CFAP92: variants seen among roughly 807,000 people sequenced by gnomAD.
The protein encoded by CFAP92 is uncharacterized protein CFAP92.
CFAP92 carries 86 observed loss-of-function variants against 106.3 expected under a neutral mutation model. That is an observed-to-expected ratio of 0.81 (90% CI 0.68 to 0.97). CFAP92 has a LOEUF of 0.97. Ranked by LOEUF, CFAP92 falls within the 50% of genes least tolerant of loss-of-function variation. The probability of loss-of-function intolerance (pLI) is 0.00; values close to 1 mark genes in which losing one functional copy is unlikely to be tolerated. For synonymous variants in CFAP92, 477 were observed against 506.4 expected, an observed-to-expected ratio of 0.94 and a Z score of 0.78; for missense variants, 1,204 against 1,283.8, an observed-to-expected ratio of 0.94 and a Z score of 0.95.
At chr3:128,920,179 G>C (rs1405273955) in intron 12 of CFAP92, among the ~76,000 whole-genome samples, 5 of 152,200 alleles carry the variant, frequency 3.3e-5, no homozygotes, top group Admixed American at 3.3e-4. Context: ...TGAGGTGGGT[G>C]AATCACCTGA....
chr3:128,994,764 T>C (rs1199264404), upstream of CFAP92, among the ~76,000 whole-genome samples: 1 of 152,080 alleles, frequency 6.6e-6, no homozygotes, highest in East Asian at 1.9e-4. Context: ...CGGCTCCTAA[T>C]GTAGAGGACC....
intron 15 of CFAP92, 73 bp from the exon 16 acceptor site, chr3:128,910,406 G>A: frequency 7.2e-7 from 1 of 1,389,834 alleles, no homozygotes; most frequent in Non-Finnish European, 9.5e-7. Context: ...GACAGACCCT[G>A]CACATTGCCC....
At chr3:128,938,774 G>C (rs745506658) in intron 10 of CFAP92, among the ~76,000 whole-genome samples, 5 of 152,020 alleles carry the variant, frequency 3.3e-5, no homozygotes, top group African/African-American at 4.8e-5. Flanking sequence ...TTACAGGAGT[G>C]AGCCACCTTC....
chr3:128,928,265 TAAAC>T (rs142844531), intron 12 of CFAP92, among the ~76,000 whole-genome samples: 33 of 152,066 alleles, frequency 2.2e-4, no homozygotes, highest in Non-Finnish European at 4.1e-4. Context: ...AAAAAATAAA[TAAAC>T]AAAATCCCCA....
intron 12 of CFAP92, among the ~76,000 whole-genome samples, chr3:128,928,075 ACC>A (rs1217285425): frequency 6.6e-6 from 1 of 151,968 alleles, no homozygotes; most frequent in East Asian, 1.9e-4. Context: ...ACATGGTGAA[ACC>A]CCGTCTCTAC....
At chr3:129,008,714 C>A in the CFAP92 span, among the ~76,000 whole-genome samples, 1 of 152,154 alleles carries the variant, frequency 6.6e-6, no homozygotes, top group Non-Finnish European at 1.5e-5. Flanking sequence ...GTAGGAGTTG[C>A]AGGTGAAATA....
At chr3:129,004,685 C>G (rs1176548941), upstream of CFAP92, among the ~76,000 whole-genome samples, 1 of 152,056 alleles carries the variant, frequency 6.6e-6, no homozygotes, top group Non-Finnish European at 1.5e-5. Context: ...ACTAAGCACT[C>G]GCTGTTTGCC....
At chr3:129,021,867 A>G in the CFAP92 span, among the ~76,000 whole-genome samples, 1 of 152,204 alleles carries the variant, frequency 6.6e-6, no homozygotes, top group Non-Finnish European at 1.5e-5. Flanking sequence ...TTAAATTACC[A>G]TTAGGGCATC....
chr3:128,919,366 A>G (rs901894370), intron 12 of CFAP92, among the ~76,000 whole-genome samples: 3 of 152,238 alleles, frequency 2.0e-5, no homozygotes, highest in African/African-American at 7.2e-5. Context: ...AACAAAGACA[A>G]AAAAGCTGTG....
intron 12 of CFAP92, among the ~76,000 whole-genome samples, chr3:128,930,305 C>G (rs931404372): frequency 6.6e-6 from 1 of 152,040 alleles, no homozygotes; most frequent in Non-Finnish European, 1.5e-5. Flanking sequence ...TGCCCGCCAC[C>G]ACGCCCAGCT....
At chr3:128,945,045 T>A in intron 10 of CFAP92, 26 bp downstream of exon 10, 1 of 1,474,842 alleles carries the variant, frequency 6.8e-7, no homozygotes, top group Non-Finnish European at 9.0e-7. Flanking sequence ...ATCATTTTTA[T>A]GTAAAATGTA....
chr3:129,017,274 G>A, the CFAP92 span, among the ~76,000 whole-genome samples: 25 of 152,256 alleles, frequency 1.6e-4, no homozygotes, highest in Non-Finnish European at 2.4e-4. Context: ...GGCCACAGTC[G>A]GGGTTGAGCT....
chr3:128,930,898 CT>C (rs927449321), intron 12 of CFAP92, among the ~76,000 whole-genome samples: 6 of 151,952 alleles, frequency 3.9e-5, no homozygotes, highest in Non-Finnish European at 5.9e-5. Context: ...CATTGTTTGA[CT>C]TTTTTTGTTT....
the CFAP92 span, among the ~76,000 whole-genome samples, chr3:129,013,115 A>C: frequency 2.0e-5 from 3 of 152,180 alleles, no homozygotes; most frequent in Non-Finnish European, 2.9e-5. Context: ...GGCCTAAGTC[A>C]GGGGTAGTAT....
At chr3:129,014,690 G>A in the CFAP92 span, among the ~76,000 whole-genome samples, 1 of 152,186 alleles carries the variant, frequency 6.6e-6, no homozygotes. The surrounding 1 kb of genome is among the most constrained non-coding windows in gnomAD (Gnocchi z 4.3). Flanking sequence ...ATGTGACCCT[G>A]GAATTGAGGC....
chr3:128,945,436 C>T lies in CFAP92; in HGVS notation c.1893G>A (p.Gln631=). ...PRGNYLEADS[Q]LKLRVDIAVP... is the part of the protein sequence containing the mutation. ...CCGCGATGTCCACTCGCAACTTGAG[C>T]TGGGAGTCAGCCTCTAGGTAGTTGC... Residue 631 remains glutamine (Q), a synonymous_variant, in exon 10 of 16, where the codon CAG becomes CAA. Coordinates refer to ENST00000645291, the MANE Select transcript of CFAP92 (RefSeq NM_001394090.1). 6.5e-7 allele frequency: 1 copy of T among 1,536,162 alleles called. No homozygotes were observed. Among genetic ancestry groups the T allele is most frequent in the East Asian group, 2.4e-5 (1 of 40,920 alleles).
chr3:128,938,232 A>C (rs1939251614), intron 10 of CFAP92, among the ~76,000 whole-genome samples: 1 of 151,372 alleles, frequency 6.6e-6, no homozygotes, highest in South Asian at 2.1e-4. Context: ...ACCCTGTCTC[A>C]ATAAAAAGAA....
chr3:128,927,651 G>C (rs956664902), intron 12 of CFAP92, among the ~76,000 whole-genome samples: 1 of 151,326 alleles, frequency 6.6e-6, no homozygotes, highest in African/African-American at 2.4e-5. Flanking sequence ...GTGAACCCAG[G>C]AGGCGGAGCT....
At chr3:128,966,798 C>T (rs1296506263) in intron 8 of CFAP92, 1 of 152,202 alleles carries the variant, frequency 6.6e-6, no homozygotes, top group Non-Finnish European at 1.5e-5. Flanking sequence ...TCTCGATCTC[C>T]TGACCTCGTG....
Sources: allele counts gnomAD v4.1 joint callset (sites outside exome capture counted in the v4.1 genomes callset), GRCh38; gene constraint gnomAD v4.1.1; non-coding constraint Gnocchi (gnomAD v3.1); transcripts MANE v1.5; gene names NCBI Gene and HGNC (gene_info 2026-07-23, HGNC 2026-07-21).